The following RBFOX3 variants were observed in gnomAD, a reference collection of about 807,000 sequenced individuals.
RBFOX3 encodes the protein RNA binding fox-1 homolog 3, also known as RNA binding protein fox-1 homolog 3.
A neutral mutation model predicts 48.7 loss-of-function variants in RBFOX3; 17 were observed. That is an observed-to-expected ratio of 0.35 (90% CI 0.24 to 0.52). The LOEUF is 0.52. Among genes scored for constraint, RBFOX3 ranks in the 20% least tolerant of loss-of-function variants. The probability of loss-of-function intolerance (pLI) is 0.94; values close to 1 mark genes in which losing one functional copy is unlikely to be tolerated. For synonymous variants in RBFOX3, 212 were observed against 209.5 expected (o/e 1.01, Z -0.10); for missense variants, 382 against 497.5 (o/e 0.77, Z 2.21).
the RBFOX3 span, among the ~76,000 whole-genome samples, chr17:79,638,405 T>C: frequency 2.6e-5 from 4 of 151,212 alleles, no homozygotes; most frequent in Non-Finnish European, 5.9e-5. Flanking sequence ...TTAAAAGAGG[T>C]ATTAAAATGA....
intron 4 of RBFOX3, among the ~76,000 whole-genome samples, chr17:79,161,185 G>GA (rs1254502524): frequency 6.6e-6 from 1 of 152,168 alleles, no homozygotes; most frequent in African/African-American, 2.4e-5. Context: ...GCACTCAGGG[G>GA]AGGCTCCCTG....
chr17:79,106,892 C>T, intron 5 of RBFOX3, 104 bp from the exon 6 acceptor site: 1 of 1,367,752 alleles, frequency 7.3e-7, no homozygotes, highest in Non-Finnish European at 9.5e-7. Flanking sequence ...TCTCCCCACC[C>T]TTCTGGGCCT....
At position 79,094,228 on chromosome 17, in the gene RBFOX3, G is replaced by A. The variant is rs969127224; in HGVS notation, c.1077+223C>T. ...TGGGGTGCTTTCCAGAGGACCAGAT[G>A]GTACGGTGGGCTGACCAGCCATTCA... is the stretch of plus-strand genomic sequence containing the variant. On this transcript the variant is annotated intron_variant, in intron 14 of 14. Coordinates refer to ENST00000693108, the MANE Select transcript of RBFOX3 (RefSeq NM_001350451.2). The A allele has an allele frequency of 4.8e-5, 22 of 458,878 alleles. No homozygotes were observed. The East Asian group carries it at 6.7e-4, about 14-fold the overall frequency. 28.4% of individuals were successfully genotyped at this position (458,878 alleles called of 1,614,324 possible). A position where few individuals can be genotyped will look rare whatever the true frequency, so the allele number is the denominator to read the frequency against.
At chr17:79,366,495 A>G (rs1412796403) in intron 2 of RBFOX3, among the ~76,000 whole-genome samples, 1 of 152,180 alleles carries the variant, frequency 6.6e-6, no homozygotes, top group Non-Finnish European at 1.5e-5. Flanking sequence ...GTCTCAATCT[A>G]TCAAAGTCAG....
At chr17:79,510,771 C>A (rs2084036140) in intron 1 of RBFOX3, among the ~76,000 whole-genome samples, 1 of 152,146 alleles carries the variant, frequency 6.6e-6, no homozygotes, top group African/African-American at 2.4e-5. Flanking sequence ...AAACTTTTTC[C>A]TTTGGGCGCC....
At chr17:79,463,154 A>ACCTCCACCGCCACCTCCACCG (rs1568294176) in intron 2 of RBFOX3, among the ~76,000 whole-genome samples, 1 of 92,834 alleles carries the variant, frequency 1.1e-5, no homozygotes, top group African/African-American at 3.8e-5. Flanking sequence ...CACCTCCACC[A>ACCTCCACCGCCACCTCCACCG]CCATCGCCAC....
At chr17:79,577,669 G>T (rs987963923) in intron 1 of RBFOX3, among the ~76,000 whole-genome samples, 12 of 152,180 alleles carry the variant, frequency 7.9e-5, no homozygotes, top group African/African-American at 2.7e-4. Flanking sequence ...ACACACACAC[G>T]TCTGTGGCTT....
chr17:79,521,833 C>G (rs1472639133), intron 1 of RBFOX3, among the ~76,000 whole-genome samples: 1 of 152,322 alleles, frequency 6.6e-6, no homozygotes, highest in South Asian at 2.1e-4. Flanking sequence ...CCTTAAGACA[C>G]TTTTTTGCTA....
At chr17:79,456,652 T>C (rs1555745100) in intron 2 of RBFOX3, among the ~76,000 whole-genome samples, 1 of 151,882 alleles carries the variant, frequency 6.6e-6, no homozygotes, top group Non-Finnish European at 1.5e-5. Context: ...CACTGTTAAA[T>C]GCATATTTAT....
chr17:79,524,681 C>T (rs1413638403), intron 1 of RBFOX3, among the ~76,000 whole-genome samples: 3 of 152,116 alleles, frequency 2.0e-5, no homozygotes, highest in Non-Finnish European at 2.9e-5. Context: ...CTGCTGCCCC[C>T]GGCCGGGCTG....
intron 2 of RBFOX3, among the ~76,000 whole-genome samples, chr17:79,355,877 G>T (rs116024306): frequency 1.1e-4 from 17 of 152,178 alleles, no homozygotes; most frequent in Non-Finnish European, 2.1e-4. Flanking sequence ...CACCGTGCCT[G>T]GCCGAACTGC....
At chr17:79,483,489 G>T (rs1324807137) in intron 1 of RBFOX3, among the ~76,000 whole-genome samples, 1 of 982 alleles carries the variant, frequency 1.0e-3, no homozygotes, top group Non-Finnish European at 1.9e-3. Flanking sequence ...CCTCGGAGCT[G>T]TGCACATATG....
intron 3 of RBFOX3, among the ~76,000 whole-genome samples, chr17:79,301,416 G>A (rs1027433676): frequency 1.3e-5 from 2 of 152,206 alleles, no homozygotes; most frequent in Non-Finnish European, 2.9e-5. Flanking sequence ...CACTGCCTTG[G>A]TGGCATGTGT....
intron 2 of RBFOX3, among the ~76,000 whole-genome samples, chr17:79,458,318 T>G (rs540993041): frequency 7.8e-4 from 119 of 152,278 alleles, no homozygotes; most frequent in African/African-American, 2.6e-3. Flanking sequence ...AATGTACAGG[T>G]GCCTCGCACC....
intron 1 of RBFOX3, among the ~76,000 whole-genome samples, chr17:79,484,625 G>A (rs1405669588): frequency 1.3e-5 from 2 of 152,070 alleles, no homozygotes; most frequent in Admixed American, 1.3e-4. Context: ...GACTCAGGTG[G>A]AGGTGGAAGG....
At chr17:79,663,250 T>C in the RBFOX3 span, among the ~76,000 whole-genome samples, 1 of 152,192 alleles carries the variant, frequency 6.6e-6, no homozygotes, top group Non-Finnish European at 1.5e-5. Flanking sequence ...TTGGGTCCAT[T>C]ATAAATGATG....
chr17:79,218,200 GC>G (rs2059294148), intron 4 of RBFOX3, among the ~76,000 whole-genome samples: 2 of 152,046 alleles, frequency 1.3e-5, no homozygotes, highest in South Asian at 4.1e-4. Flanking sequence ...AATCGAGCTG[GC>G]GAGGCTGGGA....
intron 1 of RBFOX3, among the ~76,000 whole-genome samples, chr17:79,545,481 C>T (rs2090303592): frequency 6.6e-6 from 1 of 152,226 alleles, no homozygotes; most frequent in South Asian, 2.1e-4. Flanking sequence ...CCTCTCCCCA[C>T]TTCGGCCACC....
intron 2 of RBFOX3, among the ~76,000 whole-genome samples, chr17:79,466,932 C>A (rs1362282519): frequency 1.3e-5 from 2 of 152,186 alleles, no homozygotes; most frequent in Non-Finnish European, 2.9e-5. Context: ...CAGGCATGAG[C>A]CATCTCCATG....
Sources: allele counts gnomAD v4.1 joint callset (sites outside exome capture counted in the v4.1 genomes callset), GRCh38; gene constraint gnomAD v4.1.1; transcripts MANE v1.5; gene names NCBI Gene and HGNC (gene_info 2026-07-23, HGNC 2026-07-21).